CCDC83: variants seen among roughly 807,000 people sequenced by gnomAD.
CCDC83 encodes the protein coiled-coil domain containing 83.
Under a neutral mutation model 50.1 loss-of-function variants are expected in CCDC83, and 54 were observed. The ratio of observed to expected loss-of-function variants is 1.08; its 90% CI spans 0.87 to 1.35. CCDC83 has a LOEUF of 1.35. Among genes scored for constraint, CCDC83 ranks in the 40% most tolerant of loss-of-function variants. The pLI, the probability that CCDC83 is intolerant of heterozygous loss-of-function variation, is 0.00. For synonymous variants in CCDC83, 161 were observed against 153.3 expected (o/e 1.05, Z -0.37); for missense variants, 518 against 473.9 (o/e 1.09, Z -0.86).
chr11:85,870,134 C>T (rs981190471), intron 2 of CCDC83, among the ~76,000 whole-genome samples: 4 of 152,202 alleles, frequency 2.6e-5, no homozygotes, highest in South Asian at 2.1e-4. Context: ...TAGAAATAAA[C>T]GATGCCCAAT....
In CCDC83 at chr11:85,891,597, T is replaced by G. The variant is rs189785567; in HGVS notation, c.512-3696T>G. Among the ~76,000 whole-genome samples, 423 of 152,342 alleles carry G rather than the reference T, an allele frequency of 2.8e-3. 2 individuals carry two copies. Among genetic ancestry groups the G allele is most frequent in the African/African-American group, 9.9e-3 (412 of 41,582 alleles). On this transcript the variant is annotated intron_variant, in intron 5 of 10. Coordinates refer to ENST00000342404, the MANE Select transcript of CCDC83 (RefSeq NM_001286159.2). Reference sequence around the variant, plus strand: ...AGGACAGGGATTCTTAAAAGTTCTTTGTACACTAACAGTGAATTTTTTTAA... The same window carrying G: ...AGGACAGGGATTCTTAAAAGTTCTTGGTACACTAACAGTGAATTTTTTTAA...
intron 7 of CCDC83, among the ~76,000 whole-genome samples, chr11:85,903,037 G>A (rs1044028009): frequency 5.3e-5 from 8 of 152,040 alleles, no homozygotes; most frequent in Non-Finnish European, 1.2e-4. Flanking sequence ...TTAGAGACTA[G>A]CCTGGCCAAC....
chr11:85,877,789 G>A (rs893470933), intron 3 of CCDC83, among the ~76,000 whole-genome samples: 1 of 152,118 alleles, frequency 6.6e-6, no homozygotes, highest in South Asian at 2.1e-4. Context: ...AGTAAAATCA[G>A]ATATCTTTAC....
chr11:85,904,285 A>G (rs1161386865), intron 7 of CCDC83, among the ~76,000 whole-genome samples: 1 of 152,224 alleles, frequency 6.6e-6, no homozygotes, highest in Non-Finnish European at 1.5e-5. Context: ...CGGTACATCT[A>G]TCATAATAAA....
At chr11:85,876,245 C>T (rs917575007) in intron 3 of CCDC83, among the ~76,000 whole-genome samples, 2 of 152,162 alleles carry the variant, frequency 1.3e-5, no homozygotes, top group Non-Finnish European at 2.9e-5. Context: ...TCACTTAACA[C>T]TATGGCTTCA....
intron 8 of CCDC83, among the ~76,000 whole-genome samples, chr11:85,913,507 G>C (rs1013072752): frequency 6.6e-6 from 1 of 152,064 alleles, no homozygotes; most frequent in Non-Finnish European, 1.5e-5. Flanking sequence ...ATATCTTTTT[G>C]GTAACTTCCC....
At chr11:85,912,772 G>A (rs756498554) in intron 8 of CCDC83, 7 of 1,304,482 alleles carry the variant, frequency 5.4e-6, no homozygotes, top group Admixed American at 1.7e-5. Flanking sequence ...TACTGCTATA[G>A]CTGCTGTCCA....
chr11:85,857,428 C>A (rs1302316336), intron 1 of CCDC83, among the ~76,000 whole-genome samples: 6 of 152,166 alleles, frequency 3.9e-5, no homozygotes, highest in Non-Finnish European at 7.4e-5. Flanking sequence ...GTGCACCAAG[C>A]AGACATTATA....
At chr11:85,901,763 T>C (rs1592181440) in intron 7 of CCDC83, among the ~76,000 whole-genome samples, 1 of 151,972 alleles carries the variant, frequency 6.6e-6, no homozygotes, top group African/African-American at 2.4e-5. Context: ...GAGCAGTGGC[T>C]CACTCCTGTA....
In CCDC83 at chr11:85,896,762, ATT is replaced by A. The variant is rs11313356; in HGVS notation, c.603+1392_603+1393del. Among the ~76,000 whole-genome samples, 186 of 146,784 alleles carry A rather than the reference ATT, an allele frequency of 1.3e-3. 1 individual carries two copies. Among genetic ancestry groups the A allele is most frequent in the South Asian group, 7.4e-3 (34 of 4,622 alleles). ...CCTTTGTTTTTACACAAAATATCTG[ATT>A]TTTTTTTTTTTTTAACAATCTTGAC... is the stretch of plus-strand genomic sequence containing the variant. On this transcript the variant is annotated intron_variant, in intron 6 of 10. Transcript: ENST00000342404.
At chr11:85,898,347 T>C (rs1026352411) in intron 6 of CCDC83, among the ~76,000 whole-genome samples, 4 of 152,210 alleles carry the variant, frequency 2.6e-5, no homozygotes, top group African/African-American at 9.7e-5. Flanking sequence ...CAGTTGGTTA[T>C]TCACTATAAA....
rs1372640592 is a variant in CCDC83, at chr11:85,873,215, CAAAT to C, written c.104_107del (p.Ile35ArgfsTer12). The stretch of plus-strand genomic sequence containing the variant: ...TTTATCTTTGTTGATTCTCAGATGT[CAAAT>C]AAAGGAAGATGCCGTGGAGCAATTC... On this transcript the variant is annotated frameshift_variant, in exon 3 of 11. Coordinates refer to ENST00000342404, the MANE Select transcript of CCDC83 (RefSeq NM_001286159.2). LOFTEE classifies it high-confidence loss of function. 2.0e-6 allele frequency: 3 copies of C among 1,518,792 alleles called. No homozygotes were observed. Among genetic ancestry groups the C allele is most frequent in the Non-Finnish European group, 1.8e-6 (2 of 1,124,720 alleles). 94.1% of individuals were successfully genotyped at this position (1,518,792 alleles called of 1,614,324 possible).
At chr11:85,882,397 G>C (rs553822020) in intron 3 of CCDC83, 116 bp from the exon 4 acceptor site, 82 of 903,890 alleles carry the variant, frequency 9.1e-5, no homozygotes, top group South Asian at 8.6e-4. Flanking sequence ...TAGAAGTCCA[G>C]GCTTCCCACT....
chr11:85,895,858 G>C (rs1245555058), intron 6 of CCDC83, among the ~76,000 whole-genome samples: 1 of 152,070 alleles, frequency 6.6e-6, no homozygotes. Flanking sequence ...CTGTCGCCCA[G>C]GCTGGAGTGC....
At chr11:85,855,207 T>C (rs2093132344), upstream of CCDC83, 1 of 152,356 alleles carries the variant, frequency 6.6e-6, no homozygotes, top group African/African-American at 2.4e-5. Context: ...CCCTGCAGGC[T>C]GTGGAGGGGA....
At chr11:85,894,631 T>C (rs2093364365) in intron 5 of CCDC83, among the ~76,000 whole-genome samples, 1 of 152,266 alleles carries the variant, frequency 6.6e-6, no homozygotes, top group Non-Finnish European at 1.5e-5. Flanking sequence ...TTATTTATGA[T>C]CTGGCTTCCC....
intron 2 of CCDC83, among the ~76,000 whole-genome samples, chr11:85,867,489 G>A (rs929885772): frequency 6.6e-6 from 1 of 152,160 alleles, no homozygotes; most frequent in Non-Finnish European, 1.5e-5. Context: ...TGAGTGAAGG[G>A]ATCAGAACAC....
chr11:85,890,616 C>T (rs932136682), intron 5 of CCDC83, among the ~76,000 whole-genome samples: 1 of 152,162 alleles, frequency 6.6e-6, no homozygotes, highest in Admixed American at 6.5e-5. Context: ...ATGTGTCAGC[C>T]TTAAATGCCA....
At chr11:85,887,596 T>C (rs1281597394) in intron 5 of CCDC83, among the ~76,000 whole-genome samples, 1 of 152,070 alleles carries the variant, frequency 6.6e-6, no homozygotes, top group Non-Finnish European at 1.5e-5. Flanking sequence ...ACTCCCTCTG[T>C]CCGCACTCAA....
Sources: gnomAD v4.1 joint callset for allele counts (sites outside exome capture counted in the v4.1 genomes callset) on GRCh38, gnomAD v4.1.1 for gene constraint, MANE v1.5 for transcripts, NCBI Gene and HGNC (gene_info 2026-07-23, HGNC 2026-07-21) for gene names.